The following PLPP1 variants were observed in gnomAD, a reference collection of about 807,000 sequenced individuals.
PLPP1 encodes phospholipid phosphatase 1.
PLPP1 carries 24 observed loss-of-function variants against 31.2 expected under a neutral mutation model. That is an observed-to-expected ratio of 0.77 (90% CI 0.56 to 1.08). The LOEUF (loss-of-function observed/expected upper bound fraction) is 1.08, where lower values mean the gene tolerates loss of function less well. Ranked by LOEUF, PLPP1 falls within the 50% of genes least tolerant of loss-of-function variation. The pLI is 0.00. For synonymous variants in PLPP1, 146 were observed against 126.3 expected (o/e 1.16, Z -1.05); for missense variants, 319 against 342.7 (o/e 0.93, Z 0.55).
At chr5:55,444,084 CTTTT>C (rs11374794) in intron 3 of PLPP1, among the ~76,000 whole-genome samples, 2 of 140,634 alleles carry the variant, frequency 1.4e-5, no homozygotes, top group African/African-American at 2.6e-5. Context: ...AGCCCAAATG[CTTTT>C]TTTTTTTTTT....
intron 1 of PLPP1, among the ~76,000 whole-genome samples, chr5:55,496,265 C>T (rs768496636): frequency 1.3e-5 from 2 of 152,198 alleles, no homozygotes; most frequent in African/African-American, 2.4e-5. Flanking sequence ...AGGACAGATA[C>T]ACTTTTTCCT....
rs1378501172 is a variant in PLPP1, at chr5:55,443,210, TATAC to T, written c.492-1306_492-1303del. ...AAAAAAAAATATATATATATATATA[TATAC>T]ACACACACACACACACACACATATA... On this transcript the variant is annotated intron_variant, in intron 3 of 5. Transcript: ENST00000307259. 5.4e-3 allele frequency among the ~76,000 whole-genome samples: 625 copies of T among 116,526 alleles called. 15 individuals are homozygous for T. The highest frequency in any genetic ancestry group is 0.014 in the African/African-American group (451 of 31,400). 76.4% of individuals were successfully genotyped at this position (116,526 alleles called of 152,430 possible).
At chr5:55,426,448 G>A (rs1321724588) in intron 4 of PLPP1, among the ~76,000 whole-genome samples, 1 of 152,102 alleles carries the variant, frequency 6.6e-6, no homozygotes, top group Non-Finnish European at 1.5e-5. Flanking sequence ...TGCCCAGACT[G>A]GAGTGCAGTG....
intron 1 of PLPP1, among the ~76,000 whole-genome samples, chr5:55,488,844 C>T (rs1752829150): frequency 6.6e-6 from 1 of 152,052 alleles, no homozygotes; most frequent in Non-Finnish European, 1.5e-5. Context: ...AGGTGGCCAA[C>T]ACAGCGAAAC....
chr5:55,494,204 A>T (rs1752957299), intron 1 of PLPP1, among the ~76,000 whole-genome samples: 1 of 151,920 alleles, frequency 6.6e-6, no homozygotes, highest in Non-Finnish European at 1.5e-5. Flanking sequence ...GGAGAGAGAG[A>T]GCAAGAAGAA....
intron 4 of PLPP1, among the ~76,000 whole-genome samples, chr5:55,426,572 G>GTT (rs10573958): frequency 3.4e-5 from 5 of 148,378 alleles, no homozygotes; most frequent in East Asian, 2.0e-4. Context: ...CAGCTAATTG[G>GTT]TTTTTTTTTT....
chr5:55,532,273 A>G (rs1221187668), intron 1 of PLPP1, among the ~76,000 whole-genome samples: 1 of 152,090 alleles, frequency 6.6e-6, no homozygotes, highest in Non-Finnish European at 1.5e-5. Flanking sequence ...GTTTAATACC[A>G]TTAGCTTCAG....
rs1175350109 is a variant in PLPP1, at chr5:55,425,327, T to C, written c.734A>G (p.Tyr245Cys). 3 of 1,601,064 alleles carry C rather than the reference T, an allele frequency of 1.9e-6. No homozygotes were observed. In the South Asian group the frequency reaches 3.3e-5, roughly 18 times the overall value. The stretch of plus-strand genomic sequence containing the variant: ...TCTTTCTTTGAAGAAATCCGATACA[T>C]ATACAGCCTACAGTGCAAAATATTT... ...GALVAILVAV[Y>C]VSDFFKERTS... Residue 245 changes from tyrosine to cysteine, a missense_variant, in exon 6 of 6, where the codon TAT (tyrosine) becomes TGT (cysteine). Physicochemically the swap from Tyr to Cys is radical, Grantham distance 194. Coordinates refer to ENST00000307259, the MANE Select transcript of PLPP1 (RefSeq NM_003711.4).
At chr5:55,459,897 G>C (rs1053365669) in intron 3 of PLPP1, among the ~76,000 whole-genome samples, 2 of 152,108 alleles carry the variant, frequency 1.3e-5, no homozygotes, top group Non-Finnish European at 2.9e-5. Context: ...TGAGGATAAA[G>C]ACCTTTAGGA....
intron 2 of PLPP1, among the ~76,000 whole-genome samples, chr5:55,472,746 GA>G (rs1473856781): frequency 0.019 from 96 of 5,154 alleles, no homozygotes; most frequent in African/African-American, 0.028. Context: ...GGAAGAGGAA[GA>G]AGAGGAAGAG....
rs574247831 is a variant in PLPP1, at chr5:55,437,130, T to C, written c.549+4721A>G. Among the ~76,000 whole-genome samples, 18 of 152,352 alleles carry C rather than the reference T, an allele frequency of 1.2e-4. 1 individual carries two copies. The highest frequency in any genetic ancestry group is 2.9e-4 in the African/African-American group (12 of 41,592). On this transcript the variant is annotated intron_variant, in intron 4 of 5. Transcript: ENST00000307259. ...TTATAAACCACCCAGTCTGCTGCAA[T>C]TGGTTATAGCAGCCCAAACTAAGAC...
chr5:55,496,882 T>C (rs1281030634), intron 1 of PLPP1, among the ~76,000 whole-genome samples: 1 of 152,208 alleles, frequency 6.6e-6, no homozygotes, highest in East Asian at 1.9e-4. Flanking sequence ...TATGTGCTAT[T>C]ACAAAATATT....
intron 2 of PLPP1, among the ~76,000 whole-genome samples, chr5:55,468,886 T>C (rs997240752): frequency 1.3e-5 from 2 of 152,198 alleles, no homozygotes; most frequent in Non-Finnish European, 2.9e-5. Flanking sequence ...TGACAGAGGC[T>C]TCATTTTTCT....
intron 1 of PLPP1, among the ~76,000 whole-genome samples, chr5:55,533,639 T>C (rs1384793352): frequency 2.0e-5 from 3 of 152,204 alleles, no homozygotes; most frequent in Non-Finnish European, 4.4e-5. Flanking sequence ...ACTACTACTA[T>C]TCTGATTACT....
chr5:55,426,587 T>C (rs978079042), intron 4 of PLPP1, among the ~76,000 whole-genome samples: 1 of 126,026 alleles, frequency 7.9e-6, no homozygotes, highest in South Asian at 2.7e-4. Flanking sequence ...TTTTTTTTTT[T>C]ATAGAGATGG....
chr5:55,476,835 GA>G (rs1752560654), intron 1 of PLPP1, among the ~76,000 whole-genome samples: 1 of 152,110 alleles, frequency 6.6e-6, no homozygotes, highest in African/African-American at 2.4e-5. Flanking sequence ...TCTATTATAA[GA>G]GCTAAAAAGG....
At chr5:55,516,724 C>A (rs1160316759) in intron 1 of PLPP1, among the ~76,000 whole-genome samples, 1 of 152,104 alleles carries the variant, frequency 6.6e-6, no homozygotes, top group Non-Finnish European at 1.5e-5. Flanking sequence ...TTTATGTATC[C>A]CATGAACACA....
chr5:55,522,382 T>TA (rs1753689672), intron 1 of PLPP1, among the ~76,000 whole-genome samples: 2 of 152,202 alleles, frequency 1.3e-5, no homozygotes, highest in African/African-American at 4.8e-5. Context: ...TATGAAATAT[T>TA]AAAGTGCCTC....
intron 1 of PLPP1, among the ~76,000 whole-genome samples, chr5:55,525,371 G>T (rs1305265740): frequency 6.6e-6 from 1 of 152,186 alleles, no homozygotes; most frequent in African/African-American, 2.4e-5. Flanking sequence ...AGGTCACAGA[G>T]TTCAATGGAG....
Sources: gnomAD v4.1 joint callset for allele counts (sites outside exome capture counted in the v4.1 genomes callset) on GRCh38, gnomAD v4.1.1 for gene constraint, MANE v1.5 for transcripts, NCBI Gene and HGNC (gene_info 2026-07-23, HGNC 2026-07-21) for gene names.